FRMPD2: variants seen among roughly 807,000 people sequenced by gnomAD.
The protein encoded by FRMPD2 is FERM and PDZ domain containing 2.
A neutral mutation model predicts 140.1 loss-of-function variants in FRMPD2; 96 were observed. The ratio of observed to expected loss-of-function variants is 0.69; its 90% CI spans 0.58 to 0.81. The LOEUF is 0.81. Among genes scored for constraint, FRMPD2 ranks in the 40% least tolerant of loss-of-function variants. The pLI is 0.00. For missense variants in FRMPD2, 1,240 were observed against 1,447.4 expected, an observed-to-expected ratio of 0.86 and a Z score of 2.32; for synonymous variants, 449 against 547.6, an observed-to-expected ratio of 0.82 and a Z score of 2.52.
chr10:48,204,295 C>T (rs907605508), intron 14 of FRMPD2, among the ~76,000 whole-genome samples: 4 of 152,140 alleles, frequency 2.6e-5, no homozygotes, highest in African/African-American at 7.2e-5. Flanking sequence ...ACACATGACA[C>T]GTTTTTTTTT....
intron 1 of FRMPD2, among the ~76,000 whole-genome samples, chr10:48,267,359 A>G (rs1459020967): frequency 6.6e-6 from 1 of 152,244 alleles, no homozygotes; most frequent in African/African-American, 2.4e-5. Context: ...ACTGAAAAAT[A>G]CAATAACCAA....
intron 12 of FRMPD2, among the ~76,000 whole-genome samples, chr10:48,218,654 C>T (rs780280251): frequency 5.9e-5 from 9 of 152,172 alleles, no homozygotes; most frequent in Non-Finnish European, 1.3e-4. Context: ...CCCAGGATTT[C>T]CATGCCATTT....
intron 12 of FRMPD2, among the ~76,000 whole-genome samples, chr10:48,216,290 G>GGATGGATA (rs141322515): frequency 5.3e-5 from 8 of 149,674 alleles, no homozygotes; most frequent in African/African-American, 1.7e-4. Flanking sequence ...CATAGATGAT[G>GGATGGATA]GATAGATAGA....
chr10:48,247,271 G>A (rs117037084), intron 3 of FRMPD2, among the ~76,000 whole-genome samples: 7,077 of 152,302 alleles, frequency 0.046, 234 homozygotes, highest in Non-Finnish European at 0.068. Flanking sequence ...CAATCAGGAG[G>A]GTGATGCCTG....
chr10:48,218,745 G>C (rs1357403778), intron 12 of FRMPD2, among the ~76,000 whole-genome samples: 2 of 152,196 alleles, frequency 1.3e-5, no homozygotes, highest in Non-Finnish European at 2.9e-5. Context: ...AAATGTGACA[G>C]AGGAGAGCAC....
intron 1 of FRMPD2, among the ~76,000 whole-genome samples, chr10:48,263,658 G>C (rs578121739): frequency 1.3e-5 from 2 of 152,092 alleles, no homozygotes; most frequent in Middle Eastern, 3.4e-3. Flanking sequence ...ATAATTAATG[G>C]CCTTCCAAAA....
rs184785069 is a variant in FRMPD2 at position 48,213,706 on chromosome 10, G to A, written c.1456-1597C>T. On this transcript the variant is annotated intron_variant, in intron 12 of 28. Coordinates refer to ENST00000374201, the MANE Select transcript of FRMPD2 (RefSeq NM_001018071.4). Reference sequence around the variant, plus strand: ...GAAGAGTCTGAAATGCATATTACTAGGTGAAAGAAGTAGGTCTGTAAAGGC... The same window carrying A: ...GAAGAGTCTGAAATGCATATTACTAAGTGAAAGAAGTAGGTCTGTAAAGGC... Among the ~76,000 whole-genome samples, 291 of 152,252 alleles carry A rather than the reference G, an allele frequency of 1.9e-3. 5 individuals carry two copies. Among genetic ancestry groups the A allele is most frequent in the Admixed American group, 0.017 (258 of 15,286 alleles).
intron 12 of FRMPD2, among the ~76,000 whole-genome samples, chr10:48,217,137 C>G (rs1839469121): frequency 6.6e-6 from 1 of 152,208 alleles, no homozygotes; most frequent in Admixed American, 6.5e-5. Flanking sequence ...CCCTGACAAG[C>G]CAGCTGCTGA....
At chr10:48,228,640 C>A (rs528110645) in intron 10 of FRMPD2, among the ~76,000 whole-genome samples, 41 of 151,852 alleles carry the variant, frequency 2.7e-4, no homozygotes, top group Admixed American at 5.9e-4. Context: ...TGCTTACTTT[C>A]TAGTTTTCTG....
At chr10:48,237,887 T>G (rs1228086535) in intron 8 of FRMPD2, 104 bp downstream of exon 8, 1 of 1,360,636 alleles carries the variant, frequency 7.3e-7, no homozygotes, top group African/African-American at 1.4e-5. Context: ...CCCAGGGAAG[T>G]TGTCCCCTAG....
chr10:48,236,389 C>T, intron 9 of FRMPD2, 93 bp downstream of exon 9: 1 of 1,019,846 alleles, frequency 9.8e-7, no homozygotes, highest in Non-Finnish European at 1.6e-6. Flanking sequence ...GGGGTGTTCC[C>T]ATGTGAGACC....
chr10:48,196,613 G>A (rs928419591), intron 15 of FRMPD2, among the ~76,000 whole-genome samples: 2 of 152,198 alleles, frequency 1.3e-5, no homozygotes, highest in Admixed American at 1.3e-4. Context: ...AGGTGTGTGA[G>A]AGGAAGAGAT....
intron 1 of FRMPD2, among the ~76,000 whole-genome samples, chr10:48,273,416 A>G (rs1268865777): frequency 6.6e-6 from 1 of 152,086 alleles, no homozygotes; most frequent in Non-Finnish European, 1.5e-5. Flanking sequence ...TTCTTATCAG[A>G]TTCCCCTGTT....
chr10:48,201,051 G>A (rs967170446), intron 15 of FRMPD2, among the ~76,000 whole-genome samples, 177 bp downstream of exon 15: 7 of 152,078 alleles, frequency 4.6e-5, no homozygotes, highest in Non-Finnish European at 7.4e-5. Flanking sequence ...ATTTATTTTA[G>A]TGCTTGCCAA....
At chr10:48,250,301 C>A (rs1346868920) in intron 2 of FRMPD2, among the ~76,000 whole-genome samples, 1 of 152,250 alleles carries the variant, frequency 6.6e-6, no homozygotes, top group Non-Finnish European at 1.5e-5. Flanking sequence ...GCTCCTCCCA[C>A]AGATCTGAAC....
chr10:48,194,731 C>A (rs953440901), intron 15 of FRMPD2, among the ~76,000 whole-genome samples: 2 of 152,090 alleles, frequency 1.3e-5, no homozygotes, highest in African/African-American at 4.8e-5. Flanking sequence ...GAAATGAGAC[C>A]CTGGGTGTCA....
At chr10:48,256,678 G>C (rs924627200) in intron 1 of FRMPD2, among the ~76,000 whole-genome samples, 13 of 152,198 alleles carry the variant, frequency 8.5e-5, no homozygotes, top group Non-Finnish European at 1.3e-4. Context: ...CCCAGGAAGA[G>C]AAGGCATGGA....
chr10:48,159,821 C>T (rs1837885986), intron 28 of FRMPD2, among the ~76,000 whole-genome samples: 1 of 151,660 alleles, frequency 6.6e-6, no homozygotes, highest in Admixed American at 6.6e-5. Context: ...CTTAAACATT[C>T]TGCAAAGACC....
chr10:48,244,969 C>T lies in FRMPD2; in HGVS notation c.310-120G>A, dbSNP rs533529085. On this transcript the variant is annotated intron_variant, in intron 3 of 28. Transcript: ENST00000374201. ...CACTGTTGTCTGGCGAGTCTAGCACCATCTGCAACTCCCTTAACCCTTGTT... is the reference window on the plus strand; with the variant it reads ...CACTGTTGTCTGGCGAGTCTAGCACTATCTGCAACTCCCTTAACCCTTGTT... 67 of 755,296 alleles carry T rather than the reference C, an allele frequency of 8.9e-5. 2 individuals carry two copies. The South Asian group carries it at 1.0e-3, about 11-fold the overall frequency. 46.8% of individuals were successfully genotyped at this position (755,296 alleles called of 1,614,324 possible).
Sources: allele counts gnomAD v4.1 joint callset (sites outside exome capture counted in the v4.1 genomes callset), GRCh38; gene constraint gnomAD v4.1.1; transcripts MANE v1.5; gene names NCBI Gene and HGNC (gene_info 2026-07-23, HGNC 2026-07-21).